MRTFA: variants seen among roughly 807,000 people sequenced by gnomAD.
The protein encoded by MRTFA is myocardin related transcription factor A.
In MRTFA, 20 loss-of-function variants were observed where a neutral mutation model predicts 83.5. That is an observed-to-expected ratio of 0.24 (90% CI 0.17 to 0.35). The LOEUF is 0.35. MRTFA is among the 10% of genes least tolerant of loss of function. MRTFA has a pLI of 1.00. For synonymous variants in MRTFA, 659 were observed against 541.2 expected (o/e 1.22, Z -3.02); for missense variants, 1,200 against 1,224.7 (o/e 0.98, Z 0.30).
intron 3 of MRTFA, among the ~76,000 whole-genome samples, chr22:40,492,418 C>T (rs2054286762): frequency 6.6e-6 from 1 of 152,174 alleles, no homozygotes; most frequent in African/African-American, 2.4e-5. Flanking sequence ...CTCTTCTATC[C>T]AAATGCCAAA....
intron 3 of MRTFA, among the ~76,000 whole-genome samples, chr22:40,479,145 G>A (rs1416195360): frequency 1.3e-5 from 2 of 152,146 alleles, no homozygotes; most frequent in Non-Finnish European, 2.9e-5. Context: ...TTGCACAGGT[G>A]AATGCCAGCA....
chr22:40,619,733 C>T (rs970108006), intron 1 of MRTFA, among the ~76,000 whole-genome samples: 1 of 151,052 alleles, frequency 6.6e-6, no homozygotes, highest in African/African-American at 2.4e-5. Flanking sequence ...ACTAAAAGTA[C>T]AAAAAAATTA....
intron 3 of MRTFA, chr22:40,519,698 C>G: frequency 6.1e-6 from 6 of 983,360 alleles, no homozygotes; most frequent in Non-Finnish European, 6.7e-6. Context: ...CACACCCACT[C>G]ATGGGTTCTG....
intron 4 of MRTFA, among the ~76,000 whole-genome samples, chr22:40,447,041 G>C (rs2053391322): frequency 6.6e-6 from 1 of 152,076 alleles, no homozygotes; most frequent in Admixed American, 6.6e-5. Context: ...ATATGGAGTG[G>C]TCAGGGAAAG....
chr22:40,579,285 T>C (rs752848626), intron 2 of MRTFA, among the ~76,000 whole-genome samples: 14 of 152,194 alleles, frequency 9.2e-5, no homozygotes, highest in Admixed American at 1.3e-4. Flanking sequence ...TCATAATCTA[T>C]CCCTCACTCC....
chr22:40,414,168 G>A (rs999624484), intron 14 of MRTFA, among the ~76,000 whole-genome samples: 4 of 152,036 alleles, frequency 2.6e-5, no homozygotes, highest in Admixed American at 6.6e-5. Context: ...GTGAAACCCC[G>A]TCTCTACTAA....
Position 40,423,575 on chromosome 22 carries a change from G to A in MRTFA, c.888C>T (p.Thr296=). ...GGGTGGACTTGGCAGTGGGGATAGTGGTTCCATTGGTGAGGCTGGGAGGCA... is the reference window on the plus strand; with the variant it reads ...GGGTGGACTTGGCAGTGGGGATAGTAGTTCCATTGGTGAGGCTGGGAGGCA... Residue 296 remains threonine, a synonymous_variant, in exon 9 of 15, where the codon ACC becomes ACT. Transcript: ENST00000355630. The A allele has an allele frequency of 6.3e-7, 1 of 1,589,570 alleles. No homozygotes were observed. Among genetic ancestry groups the A allele is most frequent in the Non-Finnish European group, 8.6e-7 (1 of 1,166,674 alleles).
At chr22:40,485,088 C>A (rs1240705406) in intron 3 of MRTFA, among the ~76,000 whole-genome samples, 1 of 148,874 alleles carries the variant, frequency 6.7e-6, no homozygotes. Context: ...AAAAAAAAAT[C>A]TAAAAGAATG....
chr22:40,610,987 G>C (rs1486977570), intron 1 of MRTFA, among the ~76,000 whole-genome samples: 4 of 147,884 alleles, frequency 2.7e-5, no homozygotes, highest in Non-Finnish European at 5.9e-5. Context: ...GTCCAGGCTG[G>C]CAGGCAGTGA....
rs908629452 is a variant in MRTFA, at chr22:40,432,274, C to CA, written c.364-795dup. ...AAAACAAACAAAAAAAACCAAAAAC[C>CA]AAAAAAAAACCCCAAAAACCTGTAA... On this transcript the variant is annotated intron_variant, in intron 5 of 14. Transcript: ENST00000355630. 5.9e-4 allele frequency among the ~76,000 whole-genome samples: 88 copies of CA among 150,396 alleles called. 1 individual carries two copies. Among genetic ancestry groups the CA allele is most frequent in the African/African-American group, 1.4e-3 (58 of 40,988 alleles).
chr22:40,557,792 A>G (rs573810626), intron 2 of MRTFA, among the ~76,000 whole-genome samples: 1 of 152,256 alleles, frequency 6.6e-6, no homozygotes, highest in South Asian at 2.1e-4. Context: ...AAGTAAACTT[A>G]TATTACTGAG....
chr22:40,447,503 A>C (rs2053403558), intron 4 of MRTFA, among the ~76,000 whole-genome samples: 1 of 152,150 alleles, frequency 6.6e-6, no homozygotes, highest in Non-Finnish European at 1.5e-5. Flanking sequence ...GGCATCAAGG[A>C]GGCCAGGGTG....
intron 2 of MRTFA, among the ~76,000 whole-genome samples, chr22:40,582,553 CT>C (rs768589650): frequency 3.2e-4 from 49 of 151,956 alleles, no homozygotes; most frequent in Admixed American, 5.9e-4. Context: ...TGCTTTAATC[CT>C]CTTCCCAAAA....
chr22:40,463,354 T>C (rs1312854780), intron 3 of MRTFA, 68 bp from the exon 4 acceptor site: 1 of 1,362,472 alleles, frequency 7.3e-7, no homozygotes, highest in African/African-American at 1.4e-5. Context: ...AAAACACATT[T>C]TCAAACGCAA....
intron 3 of MRTFA, among the ~76,000 whole-genome samples, chr22:40,482,474 G>A (rs955074962): frequency 6.6e-6 from 1 of 152,082 alleles, no homozygotes; most frequent in Non-Finnish European, 1.5e-5. Context: ...TCTCTTTCCT[G>A]AGGATCTATA....
At position 40,423,569 on chromosome 22, in the gene MRTFA, G is replaced by T. The variant is rs1275271137; in HGVS notation, c.894C>A (p.Ile298=). ...GTGTGGGGGTGGACTTGGCAGTGGGGATAGTGGTTCCATTGGTGAGGCTGG... is the reference window on the plus strand; with the variant it reads ...GTGTGGGGGTGGACTTGGCAGTGGGTATAGTGGTTCCATTGGTGAGGCTGG... Residue 298 remains isoleucine, a synonymous_variant, in exon 9 of 15, where the codon ATC becomes ATA. Transcript: ENST00000355630. The T allele has an allele frequency of 5.0e-6, 8 of 1,588,292 alleles. No individual in the cohort carries two copies. Among genetic ancestry groups the T allele is most frequent in the South Asian group, 1.1e-5 (1 of 87,090 alleles).
intron 1 of MRTFA, among the ~76,000 whole-genome samples, chr22:40,600,530 G>C (rs2056246540): frequency 1.3e-5 from 2 of 152,090 alleles, no homozygotes; most frequent in African/African-American, 2.4e-5. Flanking sequence ...GGTGACAAGA[G>C]GAAAATGGAA....
At chr22:40,553,541 G>C (rs1180929201) in intron 2 of MRTFA, among the ~76,000 whole-genome samples, 1 of 152,180 alleles carries the variant, frequency 6.6e-6, no homozygotes, top group Non-Finnish European at 1.5e-5. Flanking sequence ...CAGCCGCCAT[G>C]TGGTGCTGAG....
chr22:40,431,615 G>A, intron 5 of MRTFA, 135 bp from the exon 6 acceptor site: 2 of 813,668 alleles, frequency 2.5e-6, no homozygotes, highest in Non-Finnish European at 4.1e-6. Flanking sequence ...CTTGGTGACT[G>A]CAGGGTTCGG....
Sources: gnomAD v4.1 joint callset for allele counts (sites outside exome capture counted in the v4.1 genomes callset) on GRCh38, gnomAD v4.1.1 for gene constraint, MANE v1.5 for transcripts, NCBI Gene and HGNC (gene_info 2026-07-23, HGNC 2026-07-21) for gene names.